The following TAMM41 variants were observed in gnomAD, a reference collection of about 807,000 sequenced individuals.
TAMM41 encodes the protein TAM41 mitochondrial translocator assembly and maintenance homolog.
In TAMM41, 36 loss-of-function variants were observed where a neutral mutation model predicts 44.1. The ratio of observed to expected loss-of-function variants is 0.82; its 90% CI spans 0.63 to 1.08. The LOEUF (loss-of-function observed/expected upper bound fraction) is 1.08, where lower values mean the gene tolerates loss of function less well. Among genes scored for constraint, TAMM41 ranks in the 50% least tolerant of loss-of-function variants. The pLI is 0.00. For missense variants in TAMM41, 417 were observed against 404.3 expected, an observed-to-expected ratio of 1.03 and a Z score of -0.27; for synonymous variants, 164 against 153.1, an observed-to-expected ratio of 1.07 and a Z score of -0.53.
chr3:11,750,087 G>A, the TAMM41 span, among the ~76,000 whole-genome samples: 1 of 151,648 alleles, frequency 6.6e-6, no homozygotes, highest in Admixed American at 6.6e-5. Context: ...TAGTAGAGAT[G>A]GGGTTTCACT....
chr3:11,841,682 C>T (rs1292527441), intron 2 of TAMM41, among the ~76,000 whole-genome samples: 2 of 152,150 alleles, frequency 1.3e-5, no homozygotes, highest in Non-Finnish European at 2.9e-5. Flanking sequence ...GCTAAGTGTC[C>T]TGCATGACTC....
At chr3:11,757,459 A>T in the TAMM41 span, among the ~76,000 whole-genome samples, 1 of 152,150 alleles carries the variant, frequency 6.6e-6, no homozygotes, top group Non-Finnish European at 1.5e-5. Context: ...AGAGACTGAC[A>T]TTTGTCACCT....
the TAMM41 span, among the ~76,000 whole-genome samples, chr3:11,776,768 T>G: frequency 6.6e-6 from 1 of 152,234 alleles, no homozygotes; most frequent in Non-Finnish European, 1.5e-5. Flanking sequence ...GATGAATTGA[T>G]GGGGACGCAG....
chr3:11,796,330 G>C (rs1266292937), intron 7 of TAMM41, among the ~76,000 whole-genome samples: 1 of 152,176 alleles, frequency 6.6e-6, no homozygotes. Flanking sequence ...AGAACACCTT[G>C]TGAGTTGGGT....
chr3:11,835,323 G>A (rs544941959), intron 3 of TAMM41, among the ~76,000 whole-genome samples: 2 of 152,130 alleles, frequency 1.3e-5, no homozygotes, highest in Admixed American at 6.5e-5. Context: ...GTAGAAGAGA[G>A]AGTTAATTTG....
the TAMM41 span, among the ~76,000 whole-genome samples, chr3:11,741,491 A>T: frequency 6.7e-6 from 1 of 149,698 alleles, no homozygotes; most frequent in African/African-American, 2.6e-5. Context: ...AATACATCCC[A>T]AGACCCCCAG....
At chr3:11,829,460 TA>T (rs1198300624) in intron 4 of TAMM41, among the ~76,000 whole-genome samples, 2 of 152,224 alleles carry the variant, frequency 1.3e-5, no homozygotes, top group Non-Finnish European at 2.9e-5. Flanking sequence ...AACTTTTCTG[TA>T]AGTTTGAAAT....
At chr3:11,835,932 G>C (rs2079153923) in intron 3 of TAMM41, among the ~76,000 whole-genome samples, 1 of 151,668 alleles carries the variant, frequency 6.6e-6, no homozygotes. Context: ...ACATCTGTTA[G>C]ATTCTGAAAC....
At chr3:11,775,125 C>T in the TAMM41 span, among the ~76,000 whole-genome samples, 3 of 152,092 alleles carry the variant, frequency 2.0e-5, no homozygotes, top group Non-Finnish European at 2.9e-5. Flanking sequence ...CTCAGCCTCC[C>T]AAAGTGCTGG....
At chr3:11,810,944 C>T (rs903534693) in intron 5 of TAMM41, 1 of 151,548 alleles carries the variant, frequency 6.6e-6, no homozygotes, top group Non-Finnish European at 1.5e-5. Flanking sequence ...CATGGTGGTG[C>T]AAGCCTACAG....
chr3:11,776,830 A>G, the TAMM41 span, among the ~76,000 whole-genome samples: 6 of 152,362 alleles, frequency 3.9e-5, no homozygotes, highest in African/African-American at 1.4e-4. Context: ...TAAAAGAGAA[A>G]GAAATCTTGC....
At chr3:11,737,232 A>C in the TAMM41 span, among the ~76,000 whole-genome samples, 3 of 147,218 alleles carry the variant, frequency 2.0e-5, no homozygotes, top group Non-Finnish European at 4.5e-5. Context: ...ATTTCCAGAC[A>C]CCCACCCCCA....
At chr3:11,751,925 T>C in the TAMM41 span, among the ~76,000 whole-genome samples, 3 of 152,146 alleles carry the variant, frequency 2.0e-5, no homozygotes, top group African/African-American at 7.2e-5. Context: ...CTGGGTGACC[T>C]TGATGCAAGT....
the TAMM41 span, among the ~76,000 whole-genome samples, chr3:11,736,607 C>G: frequency 6.6e-6 from 1 of 152,178 alleles, no homozygotes; most frequent in Non-Finnish European, 1.5e-5. Context: ...GGTCTTTTAT[C>G]GCTGCTCTTG....
rs750769899 is a variant in TAMM41, at chr3:11,829,656, G to A, written c.562+58C>T. On this transcript the variant is annotated intron_variant, in intron 4 of 7. Transcript: ENST00000455809. ...AGGGCCGAGTGAGAACAGGATATCC[G>A]CAGTCTTCAAATATAAATCTCTCCC... The A allele has an allele frequency of 1.3e-5, 21 of 1,580,796 alleles. No homozygotes were observed. The African/African-American group carries it at 1.3e-4, about 10-fold the overall frequency.
chr3:11,821,263 G>A (rs2078507305), intron 4 of TAMM41, among the ~76,000 whole-genome samples: 1 of 152,162 alleles, frequency 6.6e-6, no homozygotes, highest in South Asian at 2.1e-4. Context: ...AATATATAAT[G>A]AAAGAATTAT....
chr3:11,725,338 T>C, the TAMM41 span, among the ~76,000 whole-genome samples: 7 of 77,390 alleles, frequency 9.0e-5, no homozygotes, highest in African/African-American at 3.9e-4. Flanking sequence ...CTTTTTTTCT[T>C]CTCCTCCTCC....
At chr3:11,805,747 C>T (rs7635266) in intron 7 of TAMM41, among the ~76,000 whole-genome samples, 19,882 of 152,186 alleles carry the variant, frequency 0.13, 2,851 homozygotes, top group East Asian at 0.48. Flanking sequence ...CCTTTTTGGG[C>T]TACCTCTGTG....
chr3:11,797,436 T>C (rs1335843817), intron 7 of TAMM41, among the ~76,000 whole-genome samples: 1 of 152,164 alleles, frequency 6.6e-6, no homozygotes, highest in East Asian at 1.9e-4. Context: ...GGAAAACTGG[T>C]TAGCCATATG....
Sources: gnomAD v4.1 joint callset for allele counts (sites outside exome capture counted in the v4.1 genomes callset) on GRCh38, gnomAD v4.1.1 for gene constraint, MANE v1.5 for transcripts, NCBI Gene and HGNC (gene_info 2026-07-23, HGNC 2026-07-21) for gene names.